The following NDST4 variants were observed in gnomAD, a reference collection of about 807,000 sequenced individuals.
The protein encoded by NDST4 is N-heparan sulfate sulfotransferase 4.
NDST4 carries 63 observed loss-of-function variants against 100.8 expected under a neutral mutation model. That is an observed-to-expected ratio of 0.62 (90% CI 0.51 to 0.77). NDST4 has a LOEUF of 0.77. Among genes scored for constraint, NDST4 ranks in the 30% least tolerant of loss-of-function variants. The probability of loss-of-function intolerance (pLI) is 0.00; values close to 1 mark genes in which losing one functional copy is unlikely to be tolerated. For missense variants in NDST4, 943 were observed against 1,018.4 expected (o/e 0.93, Z 1.01); for synonymous variants, 377 against 361.8 (o/e 1.04, Z -0.48).
At chr4:114,946,061 C>A (rs1210170097) in intron 4 of NDST4, among the ~76,000 whole-genome samples, 1 of 152,176 alleles carries the variant, frequency 6.6e-6, no homozygotes, top group Non-Finnish European at 1.5e-5. Flanking sequence ...GAGACACATC[C>A]TTTTAATATT....
intron 6 of NDST4, among the ~76,000 whole-genome samples, chr4:114,927,574 C>T (rs1464300345): frequency 6.6e-6 from 1 of 151,636 alleles, no homozygotes; most frequent in East Asian, 1.9e-4. Flanking sequence ...TTCTAATATG[C>T]TAACAAAAAC....
chr4:115,025,086 T>A (rs4833469), intron 2 of NDST4, among the ~76,000 whole-genome samples: 47,270 of 152,034 alleles, frequency 0.31, 7,518 homozygotes, highest in South Asian at 0.53. Flanking sequence ...CAAATAAATT[T>A]CTGTTCATTA....
intron 2 of NDST4, among the ~76,000 whole-genome samples, chr4:115,048,997 A>G (rs1401146439): frequency 1.3e-5 from 2 of 152,142 alleles, no homozygotes; most frequent in African/African-American, 4.8e-5. Context: ...GGAGAAAAAC[A>G]ACATAAATAT....
At chr4:115,100,623 A>C (rs1348868230) in intron 1 of NDST4, among the ~76,000 whole-genome samples, 8 of 152,090 alleles carry the variant, frequency 5.3e-5, no homozygotes, top group African/African-American at 1.9e-4. Context: ...TACTTTATTT[A>C]AAAGGAATTA....
At chr4:114,851,736 A>C (rs1723679868) in intron 8 of NDST4, among the ~76,000 whole-genome samples, 1 of 152,194 alleles carries the variant, frequency 6.6e-6, no homozygotes, top group South Asian at 2.1e-4. Flanking sequence ...GATCTATCTG[A>C]AAATATGTGT....
intron 2 of NDST4, among the ~76,000 whole-genome samples, chr4:115,004,343 A>C (rs1432204223): frequency 6.6e-6 from 1 of 152,190 alleles, no homozygotes; most frequent in Non-Finnish European, 1.5e-5. Flanking sequence ...ATATATAAGA[A>C]TTTTTAGTGG....
chr4:115,057,358 A>AAG (rs58255878), intron 2 of NDST4, among the ~76,000 whole-genome samples: 38,369 of 151,534 alleles, frequency 0.25, 6,548 homozygotes, highest in African/African-American at 0.46. Context: ...CAGAGAGAGA[A>AAG]AAGGAGAAAA....
chr4:114,950,224 C>A (rs1359598977), intron 4 of NDST4, among the ~76,000 whole-genome samples: 1 of 152,132 alleles, frequency 6.6e-6, no homozygotes, highest in African/African-American at 2.4e-5. Context: ...ACAAAGCTTC[C>A]TCTGGAGCCA....
chr4:114,965,388 G>C (rs279538), intron 4 of NDST4, among the ~76,000 whole-genome samples: 132,157 of 152,004 alleles, frequency 0.87, 57,964 homozygotes, highest in African/African-American at 0.92. Flanking sequence ...TTTCCATAGT[G>C]TCTCTTTAAT....
chr4:114,915,814 AAAG>A (rs964860177), intron 6 of NDST4, among the ~76,000 whole-genome samples: 10 of 152,106 alleles, frequency 6.6e-5, no homozygotes, highest in African/African-American at 1.9e-4. Flanking sequence ...ATTAAACAGA[AAAG>A]AAGAAGGAGG....
chr4:114,909,669 CAAA>C (rs773267929), intron 6 of NDST4, among the ~76,000 whole-genome samples: 1 of 61,664 alleles, frequency 1.6e-5, no homozygotes. Flanking sequence ...GACTCCGTCT[CAAA>C]AAAAAAAAAA....
intron 4 of NDST4, among the ~76,000 whole-genome samples, chr4:114,964,533 G>T (rs543767361): frequency 1.3e-5 from 2 of 152,186 alleles, no homozygotes; most frequent in South Asian, 2.1e-4. Context: ...TACTAAATTG[G>T]CAGGTGTTCC....
At chr4:114,853,220 T>C (rs1274118869) in intron 7 of NDST4, among the ~76,000 whole-genome samples, 1 of 152,118 alleles carries the variant, frequency 6.6e-6, no homozygotes, top group Non-Finnish European at 1.5e-5. Context: ...AATGCTATCC[T>C]TGAATTCCAG....
intron 2 of NDST4, among the ~76,000 whole-genome samples, chr4:115,043,437 T>A (rs905306828): frequency 6.6e-6 from 1 of 152,222 alleles, no homozygotes; most frequent in East Asian, 1.9e-4. Context: ...AATATTTGTA[T>A]AAATGATGCA....
intron 2 of NDST4, among the ~76,000 whole-genome samples, chr4:115,031,478 G>A (rs570579605): frequency 6.6e-6 from 1 of 152,118 alleles, no homozygotes; most frequent in South Asian, 2.1e-4. Context: ...GTAGAGTACT[G>A]CCTGACCAAC....
intron 1 of NDST4, among the ~76,000 whole-genome samples, chr4:115,099,486 CA>C (rs1729687582): frequency 6.6e-6 from 1 of 151,684 alleles, no homozygotes; most frequent in South Asian, 2.1e-4. Context: ...CAACCCAATT[CA>C]AAAATGGGAA....
intron 6 of NDST4, among the ~76,000 whole-genome samples, chr4:114,921,286 T>C (rs1274566428): frequency 6.6e-6 from 1 of 152,124 alleles, no homozygotes; most frequent in African/African-American, 2.4e-5. Context: ...TAAAAAATAA[T>C]GATGGAAGTG....
chr4:115,013,370 T>TATATATATATATATATATATACAC (rs74678897), intron 2 of NDST4, among the ~76,000 whole-genome samples: 30 of 71,454 alleles, frequency 4.2e-4, no homozygotes, highest in Non-Finnish European at 7.7e-4. Flanking sequence ...TATATATATA[T>TATATATATATATATATATATACAC]ACACACACAT....
chr4:115,112,077 T>TCACACA (rs376921280), intron 1 of NDST4, among the ~76,000 whole-genome samples: 1 of 148,564 alleles, frequency 6.7e-6, no homozygotes. Context: ...AACTTGCTAC[T>TCACACA]CACACACACA....
Sources: allele counts gnomAD v4.1 joint callset (sites outside exome capture counted in the v4.1 genomes callset), GRCh38; gene constraint gnomAD v4.1.1; transcripts MANE v1.5; gene names NCBI Gene and HGNC (gene_info 2026-07-23, HGNC 2026-07-21).